GALNT9: variants seen among roughly 807,000 people sequenced by gnomAD.
GALNT9 encodes polypeptide N-acetylgalactosaminyltransferase 9.
In GALNT9, 47 loss-of-function variants were observed where a neutral mutation model predicts 63.1. The ratio of observed to expected loss-of-function variants is 0.75; its 90% confidence interval spans 0.59 to 0.95. The LOEUF (loss-of-function observed/expected upper bound fraction) is 0.95. Ranked by LOEUF, GALNT9 falls within the 40% of genes least tolerant of loss-of-function variation. The probability of loss-of-function intolerance (pLI) is 0.00; values close to 1 mark genes in which losing one functional copy is unlikely to be tolerated. For missense variants in GALNT9, 829 were observed against 874.8 expected, an observed-to-expected ratio of 0.95 and a Z score of 0.66; for synonymous variants, 396 against 365.7, an observed-to-expected ratio of 1.08 and a Z score of -0.94.
chr12:132,312,201 C>A (rs936847486), intron 1 of GALNT9, among the ~76,000 whole-genome samples: 32 of 152,224 alleles, frequency 2.1e-4, no homozygotes, highest in African/African-American at 7.0e-4. Context: ...TATATTCTCA[C>A]TGAGACTAAT....
chr12:132,225,560 A>C (rs1445703806), intron 6 of GALNT9, among the ~76,000 whole-genome samples: 3 of 147,060 alleles, frequency 2.0e-5, no homozygotes, highest in Admixed American at 6.8e-5. Flanking sequence ...CACACTGTAC[A>C]TACACACCCC....
Position 132,252,564 on chromosome 12 carries a change from G to C in GALNT9, c.960-4537C>G, listed in dbSNP as rs115787640. 0.017 allele frequency among the ~76,000 whole-genome samples: 2,613 copies of C among 152,222 alleles called. 75 individuals carry two copies. Among genetic ancestry groups the C allele is most frequent in the African/African-American group, 0.059 (2,437 of 41,534 alleles). ...GATAAAGAGAAAACAGCTGGGCCTG[G>C]GGGGAACCACTGCCATCAAGACACG... On this transcript the variant is annotated intron_variant, in intron 5 of 10. Coordinates refer to ENST00000328957, the MANE Select transcript of GALNT9 (RefSeq NM_001122636.2). The surrounding 1 kb of genome is among the most constrained non-coding windows in gnomAD (Gnocchi z 5.2).
intron 6 of GALNT9, chr12:132,240,610 C>A (rs2136898848): frequency 2.2e-6 from 1 of 455,710 alleles, no homozygotes; most frequent in East Asian, 7.0e-5. Flanking sequence ...GTGCGTGGCC[C>A]CGGGGCTCGG....
At chr12:132,268,262 C>T (rs1433124561) in intron 2 of GALNT9, among the ~76,000 whole-genome samples, 2 of 152,090 alleles carry the variant, frequency 1.3e-5, no homozygotes, top group Non-Finnish European at 2.9e-5. Flanking sequence ...CATGGACACC[C>T]ACCCCTACAC....
chr12:132,306,287 G>A (rs1484040498), intron 1 of GALNT9, among the ~76,000 whole-genome samples: 7 of 152,244 alleles, frequency 4.6e-5, no homozygotes, highest in African/African-American at 9.6e-5. Flanking sequence ...CCTGGACGCC[G>A]GACGGTCTAA....
Position 132,247,897 on chromosome 12 carries a change from G to T in GALNT9, c.1077+13C>A, listed in dbSNP as rs73166888. On this transcript the variant is annotated intron_variant, in intron 6 of 10. Transcript: ENST00000328957. ...GCCCTCACCCTGTCCCTGGACACCG[G>T]GGCCGCACTCACCCTCATGCCCAGT... 0.12 allele frequency: 189,461 copies of T among 1,548,332 alleles called. 12,842 individuals carry two copies. The highest frequency in any genetic ancestry group is 0.23 in the Middle Eastern group (1,370 of 5,914).
Position 132,282,402 on chromosome 12 carries a change from CGCGTGT to C in GALNT9, c.419+3842_419+3847del, listed in dbSNP as rs1566011830. Among the ~76,000 whole-genome samples the C allele has an allele frequency of 3.0e-3, 455 of 150,088 alleles. 2 individuals are homozygous for C. The highest frequency in any genetic ancestry group is 0.011 in the African/African-American group (424 of 40,024). ...AGAAAAAACTAAAAATACGTGTGTGCGCGTGTGTGCGTGTGTGTGCGTGTGTGCGTG... is the reference window on the plus strand; with the variant it reads ...AGAAAAAACTAAAAATACGTGTGTGCGTGCGTGTGTGTGCGTGTGTGCGTG... On this transcript the variant is annotated intron_variant, in intron 2 of 10. Transcript: ENST00000328957. The surrounding 1 kb of genome is among the most constrained non-coding windows in gnomAD (Gnocchi z 4.5).
intron 7 of GALNT9, 106 bp downstream of exon 7, chr12:132,203,399 C>T: frequency 1.0e-6 from 1 of 1,004,368 alleles, no homozygotes; most frequent in Non-Finnish European, 1.5e-6. Context: ...CACACCCACT[C>T]ACACCTGCAG....
chr12:132,307,596 G>A (rs984533623), intron 1 of GALNT9, among the ~76,000 whole-genome samples: 5 of 151,682 alleles, frequency 3.3e-5, no homozygotes, highest in Admixed American at 6.6e-5. Context: ...CACTGTGGGA[G>A]GCCAAGGCGG....
chr12:132,219,105 C>A (rs1046538992), intron 6 of GALNT9, among the ~76,000 whole-genome samples: 4 of 152,154 alleles, frequency 2.6e-5, no homozygotes, highest in Non-Finnish European at 4.4e-5. Context: ...GGTCCCACCC[C>A]CCTCCACACA....
At chr12:132,228,980 G>A (rs1877800318) in intron 6 of GALNT9, among the ~76,000 whole-genome samples, 1 of 152,224 alleles carries the variant, frequency 6.6e-6, no homozygotes, top group South Asian at 2.1e-4. Context: ...GATCAGAGAG[G>A]CCGCCGGTGT....
chr12:132,230,784 AAC>A (rs1877860852), intron 6 of GALNT9, among the ~76,000 whole-genome samples: 1 of 152,238 alleles, frequency 6.6e-6, no homozygotes, highest in Admixed American at 6.5e-5. Context: ...TTAACGGGGT[AAC>A]AGTCCGGGTT....
At chr12:132,295,596 G>A (rs954052178) in intron 1 of GALNT9, among the ~76,000 whole-genome samples, 5 of 152,222 alleles carry the variant, frequency 3.3e-5, no homozygotes, top group Non-Finnish European at 7.3e-5. Flanking sequence ...GGCAGAGACC[G>A]GAATGATGTG....
intron 6 of GALNT9, among the ~76,000 whole-genome samples, chr12:132,221,756 G>A (rs1877462656): frequency 6.6e-6 from 1 of 151,772 alleles, no homozygotes; most frequent in African/African-American, 2.4e-5. Context: ...TCAGGGCTCT[G>A]TGATCAGAGG....
chr12:132,318,861 C>T lies in GALNT9; in HGVS notation c.238+10105G>A, dbSNP rs964355790. Among the ~76,000 whole-genome samples, 6 of 152,256 alleles carry T rather than the reference C, an allele frequency of 3.9e-5. No individual in the cohort carries two copies. In the East Asian group the frequency reaches 9.6e-4, roughly 24 times the overall value. ...GGCCAGTCCCACAGGGCACTCCTCC[C>T]GCCCTCTGCCAGTGGCTGGCTAGGT... On this transcript the variant is annotated intron_variant, in intron 1 of 10. Transcript: ENST00000328957.
intron 6 of GALNT9, among the ~76,000 whole-genome samples, chr12:132,239,231 GAA>G (rs1878118005): frequency 6.6e-6 from 1 of 152,002 alleles, no homozygotes; most frequent in African/African-American, 2.4e-5. Flanking sequence ...CAGAGACAGA[GAA>G]AGAGACACAT....
intron 1 of GALNT9, among the ~76,000 whole-genome samples, chr12:132,301,605 G>T (rs1555243842): frequency 6.6e-6 from 1 of 152,248 alleles, no homozygotes. Flanking sequence ...AGGACTGCCT[G>T]GTGGCCGCGG....
At chr12:132,254,647 C>A (rs1282189911) in intron 5 of GALNT9, among the ~76,000 whole-genome samples, 1 of 152,226 alleles carries the variant, frequency 6.6e-6, no homozygotes, top group African/African-American at 2.4e-5. Context: ...GACAAACTTA[C>A]ACGAAGGTCA....
In GALNT9 at chr12:132,329,017, T is replaced by G. The variant is rs868993891; in HGVS notation, c.187A>C (p.Ile63Leu). 8.4e-6 allele frequency: 13 copies of G among 1,543,846 alleles called. No homozygotes were observed. The Middle Eastern group carries it at 1.5e-3, about 179-fold the overall frequency. ...TCCAGGTGGTCCAGGCGCTGCAGGA[T>G]GGCCTCACGGTCCCCCAGCGTGCCC... ...KVGTLGDREA[I>L]LQRLDHLEEV... Residue 63 changes from isoleucine to leucine, a missense_variant, in exon 1 of 11, where the codon ATC becomes CTC. By Grantham distance (5) the Ile-to-Leu change is conservative. Coordinates refer to ENST00000328957, the MANE Select transcript of GALNT9 (RefSeq NM_001122636.2).
Sources: allele counts gnomAD v4.1 joint callset (sites outside exome capture counted in the v4.1 genomes callset), GRCh38; gene constraint gnomAD v4.1.1; non-coding constraint Gnocchi (gnomAD v3.1); transcripts MANE v1.5; gene names NCBI Gene and HGNC (gene_info 2026-07-23, HGNC 2026-07-21).